Variants in DOCK3 observed in about 807,000 individuals in gnomAD.
DOCK3 encodes the protein dedicator of cytokinesis protein 3.
A neutral mutation model predicts 265.6 loss-of-function variants in DOCK3; 60 were observed. The observed-to-expected ratio is 0.23, with a 90% CI of 0.18 to 0.28. DOCK3 has a LOEUF of 0.28. Ranked by LOEUF, DOCK3 falls within the 10% of genes least tolerant of loss-of-function variation. The pLI is 1.00. For synonymous variants in DOCK3, 881 were observed against 938.0 expected (o/e 0.94, Z 1.11); for missense variants, 1,981 against 2,594.3 (o/e 0.76, Z 5.14).
rs1477061316 is a variant in DOCK3 at position 51,064,577 on chromosome 3, C to T, written c.445C>T (p.Arg149Cys). ...GGAGGTTAAGCGGCACATCACCGTG[C>T]GCCTGGACTGGGGTAATGAGTAAGT... ...VREVKRHITV[R>C]LDWGNEHLGL... is the part of the protein sequence containing the mutation. The change falls in exon 6 of 53, where the codon CGC becomes TGC. Residue 149 changes from arginine (R) to cysteine (C), a missense_variant. Transcript: ENST00000266037. 10 of 1,613,860 alleles carry T rather than the reference C, an allele frequency of 6.2e-6. No homozygotes were observed. Among genetic ancestry groups the T allele is most frequent in the East Asian group, 2.2e-5 (1 of 44,864 alleles).
chr3:50,733,605 G>T (rs1559566082), intron 1 of DOCK3, among the ~76,000 whole-genome samples: 1 of 152,132 alleles, frequency 6.6e-6, no homozygotes, highest in Non-Finnish European at 1.5e-5. Flanking sequence ...TCCAGGCTAT[G>T]TGTGTTCTTA....
At chr3:50,699,543 C>T (rs529425969) in intron 1 of DOCK3, among the ~76,000 whole-genome samples, 2 of 151,718 alleles carry the variant, frequency 1.3e-5, no homozygotes, top group South Asian at 2.1e-4. Context: ...ACCTCTGCCT[C>T]CTGGGTTCAG....
intron 1 of DOCK3, among the ~76,000 whole-genome samples, chr3:50,752,490 A>G (rs1187468425): frequency 1.4e-5 from 2 of 138,092 alleles, no homozygotes; most frequent in Admixed American, 1.5e-4. Context: ...GCCTGGCGAC[A>G]GAGCGAGAGT....
intron 26 of DOCK3, chr3:51,278,107 C>G (rs564633291): frequency 1.0e-6 from 1 of 985,282 alleles, no homozygotes; most frequent in Non-Finnish European, 1.2e-6. Flanking sequence ...CTAGGAACCC[C>G]CTCATACAGG....
chr3:51,375,841 G>A lies in DOCK3; in HGVS notation c.5500+6G>A, dbSNP rs1197296002. On this transcript the variant is annotated splice_donor_region_variant and intron_variant, in intron 51 of 52. Transcript: ENST00000266037. Reference sequence around the variant, plus strand: ...TCTGTCTGTGGCTGAAAAAGGTATTGTTGCCCAGGTGGCCTTCCCCCCATG... The same window carrying A: ...TCTGTCTGTGGCTGAAAAAGGTATTATTGCCCAGGTGGCCTTCCCCCCATG... 3 of 1,613,830 alleles carry A rather than the reference G, an allele frequency of 1.9e-6. No homozygotes were observed. Among genetic ancestry groups the A allele is most frequent in the East Asian group, 4.5e-5 (2 of 44,886 alleles).
chr3:50,925,850 A>G (rs1253124038), intron 4 of DOCK3, among the ~76,000 whole-genome samples: 4 of 68,448 alleles, frequency 5.8e-5, no homozygotes, highest in African/African-American at 7.8e-5. Context: ...TTTTTTTTTG[A>G]GACAGAGTCT....
chr3:50,912,657 A>G (rs967674889), intron 4 of DOCK3, among the ~76,000 whole-genome samples: 1 of 152,060 alleles, frequency 6.6e-6, no homozygotes, highest in Non-Finnish European at 1.5e-5. Flanking sequence ...AAACCACAAG[A>G]CAACATCCTT....
At chr3:51,289,674 C>T (rs1298439257) in intron 27 of DOCK3, among the ~76,000 whole-genome samples, 1 of 151,694 alleles carries the variant, frequency 6.6e-6, no homozygotes, top group Non-Finnish European at 1.5e-5. Flanking sequence ...CTACAGTAGC[C>T]TCACTTCACC....
intron 5 of DOCK3, among the ~76,000 whole-genome samples, chr3:51,047,268 G>A (rs1324157690): frequency 2.6e-5 from 1 of 38,910 alleles, no homozygotes; most frequent in Admixed American, 2.4e-4. Flanking sequence ...GAGGTTGGGG[G>A]AGGGGGAGGG....
chr3:51,173,492 T>C (rs1457880418), intron 12 of DOCK3, among the ~76,000 whole-genome samples: 1 of 152,226 alleles, frequency 6.6e-6, no homozygotes, highest in Non-Finnish European at 1.5e-5. Flanking sequence ...AAGAACTCCC[T>C]TTAGTATTTC....
chr3:51,218,050 G>T (rs1279657565), intron 14 of DOCK3, among the ~76,000 whole-genome samples: 2 of 151,940 alleles, frequency 1.3e-5, no homozygotes, highest in Non-Finnish European at 2.9e-5. Context: ...CCTGGGAGGC[G>T]GAGGTTGCAG....
At chr3:50,979,136 G>A (rs928413613) in intron 5 of DOCK3, among the ~76,000 whole-genome samples, 1 of 152,092 alleles carries the variant, frequency 6.6e-6, no homozygotes, top group Non-Finnish European at 1.5e-5. Context: ...GCTGTAGACC[G>A]GAGCTGTTCC....
At chr3:50,965,470 G>A (rs901180149) in intron 5 of DOCK3, among the ~76,000 whole-genome samples, 14 of 152,014 alleles carry the variant, frequency 9.2e-5, no homozygotes, top group African/African-American at 3.1e-4. Context: ...CTGAATAGAG[G>A]CTGGGAGAGA....
intron 5 of DOCK3, among the ~76,000 whole-genome samples, chr3:50,972,802 T>G (rs2077281013): frequency 6.6e-6 from 1 of 152,204 alleles, no homozygotes; most frequent in African/African-American, 2.4e-5. Flanking sequence ...CATGCTGTTT[T>G]GGTTACTATA....
intron 5 of DOCK3, among the ~76,000 whole-genome samples, chr3:50,970,608 T>C (rs1201037825): frequency 6.6e-6 from 1 of 151,654 alleles, no homozygotes; most frequent in Non-Finnish European, 1.5e-5. Context: ...TTTCCAGAAG[T>C]TCTATTTGGT....
intron 2 of DOCK3, among the ~76,000 whole-genome samples, chr3:50,805,915 G>A (rs959439535): frequency 2.0e-5 from 3 of 152,134 alleles, no homozygotes; most frequent in African/African-American, 7.2e-5. Context: ...GGCCTGGTAT[G>A]TGCAAGGCTG....
intron 5 of DOCK3, among the ~76,000 whole-genome samples, chr3:50,975,776 C>T (rs1368650305): frequency 2.0e-5 from 3 of 151,962 alleles, no homozygotes; most frequent in African/African-American, 7.3e-5. Context: ...TGGTCCTGGA[C>T]TCTTTTTGGT....
At chr3:50,695,541 A>G (rs1263699616) in intron 1 of DOCK3, among the ~76,000 whole-genome samples, 9 of 152,284 alleles carry the variant, frequency 5.9e-5, no homozygotes, top group Non-Finnish European at 8.8e-5. Flanking sequence ...ATCAGATGTA[A>G]TCTGATCCTA....
intron 12 of DOCK3, among the ~76,000 whole-genome samples, chr3:51,200,123 A>G (rs968027096): frequency 1.3e-5 from 2 of 152,158 alleles, no homozygotes; most frequent in Non-Finnish European, 2.9e-5. Context: ...AAAAAAGCAG[A>G]GCACCTCTCC....
Sources: allele counts gnomAD v4.1 joint callset (sites outside exome capture counted in the v4.1 genomes callset), GRCh38; gene constraint gnomAD v4.1.1; transcripts MANE v1.5; gene names NCBI Gene and HGNC (gene_info 2026-07-23, HGNC 2026-07-21).